Variants in UGCG observed in about 807,000 individuals in gnomAD.
The protein encoded by UGCG is ceramide glucosyltransferase.
Under a neutral mutation model 49.5 loss-of-function variants are expected in UGCG, and 10 were observed. That is an observed-to-expected ratio of 0.20 (90% CI 0.12 to 0.34). UGCG has a LOEUF of 0.34. UGCG is among the 10% of genes least tolerant of loss of function. The pLI is 1.00. For synonymous variants in UGCG, 182 were observed against 158.2 expected (o/e 1.15, Z -1.13); for missense variants, 312 against 483.7 (o/e 0.65, Z 3.33).
chr9:111,899,851 C>T (rs1002269654), intron 1 of UGCG, among the ~76,000 whole-genome samples: 1 of 152,036 alleles, frequency 6.6e-6, no homozygotes, highest in Admixed American at 6.6e-5. Context: ...AATTACTTAT[C>T]AGATGATTAT....
At chr9:111,929,387 A>G in intron 5 of UGCG, 113 bp from the exon 6 acceptor site, 2 of 1,109,900 alleles carry the variant, frequency 1.8e-6, no homozygotes, top group South Asian at 1.8e-5. Flanking sequence ...CGTAAGAATA[A>G]TAAGATATTC....
Position 111,914,618 on chromosome 9 carries a change from A to G in UGCG, c.112A>G (p.Asn38Asp). The change falls in exon 2 of 9, where the codon AAC becomes GAC. Residue 38 changes from asparagine to aspartate, a missense_variant. This residue lies in a region of UGCG where 65 missense variants were observed against 74.7 expected (regional missense o/e 0.87). Transcript: ENST00000374279. ...MAIIYTRLHL[N>D]KKATDKQPYS... ...TTTGCTTTTTAGCCGATTACACCTCAACAAGAAGGCAACTGACAAACAGCC... is the reference window on the plus strand; with the variant it reads ...TTTGCTTTTTAGCCGATTACACCTCGACAAGAAGGCAACTGACAAACAGCC... 1 of 1,613,958 alleles carries G rather than the reference A, an allele frequency of 6.2e-7. No individual in the cohort carries two copies. The highest frequency in any genetic ancestry group is 8.5e-7 in the Non-Finnish European group (1 of 1,179,918).
intron 2 of UGCG, among the ~76,000 whole-genome samples, chr9:111,921,290 CTACT>C (rs1463229963): frequency 6.6e-6 from 1 of 152,066 alleles, no homozygotes; most frequent in East Asian, 1.9e-4. Context: ...AAAAAAATCA[CTACT>C]TAGAATACAT....
chr9:111,899,783 T>C (rs554924061), intron 1 of UGCG, among the ~76,000 whole-genome samples: 121 of 152,340 alleles, frequency 7.9e-4, no homozygotes, highest in African/African-American at 2.8e-3. Flanking sequence ...TTTACTTCGT[T>C]ATATGAGAGC....
rs1333436387 is a variant in UGCG at position 111,930,703 on chromosome 9, C to T, written c.738-568C>T. 1.3e-4 allele frequency among the ~76,000 whole-genome samples: 19 copies of T among 151,812 alleles called. No individual in the cohort carries two copies. In the East Asian group the frequency reaches 1.7e-3, roughly 14 times the overall value. The stretch of plus-strand genomic sequence containing the variant: ...CAGGCTAGTCTTGAACTCCTGACCT[C>T]GTGATCCGCCCGCCTCAGCCTCCCA... On this transcript the variant is annotated intron_variant, in intron 6 of 8. Transcript: ENST00000374279.
In UGCG at chr9:111,929,568, A is replaced by G. The variant is rs148651113; in HGVS notation, c.627A>G (p.Thr209=). The G allele has an allele frequency of 5.0e-6, 8 of 1,613,992 alleles. No homozygotes were observed. Among genetic ancestry groups the G allele is most frequent in the East Asian group, 2.2e-5 (1 of 44,866 alleles). The stretch of plus-strand genomic sequence containing the variant: ...ATGTAACTGGTTTCAAATGTGTGAC[A>G]GGAATGTCTTGTTTAATGAGAAAAG... ...SANVTGFKCV[T]GMSCLMRKDV... is the part of the protein sequence containing the mutation. Residue 209 remains threonine, a synonymous_variant, in exon 6 of 9, where the codon ACA becomes ACG. Transcript: ENST00000374279.
chr9:111,933,051 T>A lies in UGCG; in HGVS notation c.*54T>A. ...AAAAAGAGAAGTATTATAAATTATGTTTATATAAATGCTTTTAAAAATCTA... is the reference window on the plus strand; with the variant it reads ...AAAAAGAGAAGTATTATAAATTATGATTATATAAATGCTTTTAAAAATCTA... On this transcript the variant is annotated 3_prime_UTR_variant, in exon 9 of 9. Transcript: ENST00000374279. 2 of 1,345,646 alleles carry A rather than the reference T, an allele frequency of 1.5e-6. No homozygotes were observed. Among genetic ancestry groups the A allele is most frequent in the Non-Finnish European group, 1.9e-6 (2 of 1,036,382 alleles). 83.4% of individuals were successfully genotyped at this position (1,345,646 alleles called of 1,614,324 possible).
At chr9:111,931,448 G>A (rs1838423196) in intron 7 of UGCG, 91 bp downstream of exon 7, 1 of 1,165,370 alleles carries the variant, frequency 8.6e-7, no homozygotes, top group Admixed American at 2.5e-5. Context: ...TTAAATGAAT[G>A]TACCTAAAGG....
At chr9:111,919,431 C>A (rs1240328418) in intron 2 of UGCG, among the ~76,000 whole-genome samples, 1 of 150,612 alleles carries the variant, frequency 6.6e-6, no homozygotes, top group African/African-American at 2.4e-5. Flanking sequence ...TATAGTGAGC[C>A]AAGATCACGC....
chr9:111,903,110 C>T (rs1436725468), intron 1 of UGCG, among the ~76,000 whole-genome samples: 1 of 152,106 alleles, frequency 6.6e-6, no homozygotes, highest in Non-Finnish European at 1.5e-5. Flanking sequence ...TTGTGAGGAG[C>T]TGTATTAAGG....
chr9:111,905,471 T>G (rs66798668), intron 1 of UGCG, among the ~76,000 whole-genome samples: 23,777 of 151,700 alleles, frequency 0.16, 2,463 homozygotes, highest in East Asian at 0.27. Flanking sequence ...TTTTTTTTTT[T>G]TGAGAGGGAG....
Position 111,924,796 on chromosome 9 carries a change from T to C in UGCG, c.363T>C (p.Ile121=), listed in dbSNP as rs1177384015. 6.5e-7 allele frequency: 1 copy of C among 1,531,704 alleles called. No homozygotes were observed. The highest frequency in any genetic ancestry group is 8.7e-7 in the Non-Finnish European group (1 of 1,146,996). The allele number at this position is 1,531,704 out of a possible 1,614,324, so 94.9% of individuals were successfully genotyped here. A position where few individuals can be genotyped will look rare whatever the true frequency, so the allele number is the denominator to read the frequency against. The change falls in exon 4 of 9, where the codon ATT becomes ATC. Residue 121 remains isoleucine (I), a synonymous_variant. Transcript: ENST00000374279. The part of the protein sequence containing the change: ...RLFIGGKKVG[I]NPKINNLMPG... ...TTTTAGGTGGCAAAAAAGTTGGCAT[T>C]AATCCTAAAATTAATAATTTAATGC...
At chr9:111,907,632 T>C (rs1837913376) in intron 1 of UGCG, among the ~76,000 whole-genome samples, 1 of 151,110 alleles carries the variant, frequency 6.6e-6, no homozygotes, top group South Asian at 2.1e-4. Context: ...TTCTTTCTTT[T>C]TTTTTTTTTT....
intron 1 of UGCG, among the ~76,000 whole-genome samples, chr9:111,912,221 C>T (rs1419189393): frequency 6.6e-6 from 1 of 151,762 alleles, no homozygotes; most frequent in African/African-American, 2.4e-5. Context: ...GTCTGGTCCT[C>T]CAGATGAACT....
chr9:111,917,105 A>G (rs370874170), intron 2 of UGCG, among the ~76,000 whole-genome samples: 180 of 152,304 alleles, frequency 1.2e-3, no homozygotes, highest in African/African-American at 4.1e-3. Flanking sequence ...ATATCATTTA[A>G]GTGGGTTGAG....
At position 111,926,690 on chromosome 9, in the gene UGCG, T is replaced by A. The variant is rs1232885097; in HGVS notation, c.558+194T>A. 2.0e-5 allele frequency among the ~76,000 whole-genome samples: 3 copies of A among 152,184 alleles called. No homozygotes were observed. In the East Asian group the frequency reaches 5.8e-4, roughly 29 times the overall value. On this transcript the variant is annotated intron_variant, in intron 5 of 8. Transcript: ENST00000374279. ...GAGGAAATTCTTGGGACCCTGACTG[T>A]ACCCTGGCAGTGAACAGCTGTGCGC...
chr9:111,914,794 C>A (rs1267747139), intron 2 of UGCG, 48 bp downstream of exon 2: 2 of 1,602,686 alleles, frequency 1.2e-6, no homozygotes, highest in Non-Finnish European at 1.7e-6. Context: ...TTGTTTTGTT[C>A]CCCTCATGAT....
intron 8 of UGCG, 97 bp from the exon 9 acceptor site, chr9:111,932,730 G>T: frequency 8.5e-7 from 1 of 1,173,588 alleles, no homozygotes; most frequent in Admixed American, 2.4e-5. Context: ...ATTTTACATA[G>T]TATACTTAGA....
chr9:111,916,897 C>G (rs1331495213), intron 2 of UGCG, among the ~76,000 whole-genome samples: 1 of 151,784 alleles, frequency 6.6e-6, no homozygotes, highest in Non-Finnish European at 1.5e-5. Context: ...GTAATCCTAG[C>G]ACTTTGGGAG....
Sources: gnomAD v4.1 joint callset for allele counts (sites outside exome capture counted in the v4.1 genomes callset) on GRCh38, gnomAD v4.1.1 for gene constraint, gnomAD v4.1.1 regional missense constraint, MANE v1.5 for transcripts, NCBI Gene and HGNC (gene_info 2026-07-23, HGNC 2026-07-21) for gene names.